The following TRAK1 variants were observed in gnomAD, a reference collection of about 807,000 sequenced individuals.
TRAK1 encodes trafficking kinesin protein 1, also known as trafficking kinesin-binding protein 1.
TRAK1 carries 33 observed loss-of-function variants against 92.1 expected under a neutral mutation model. The ratio of observed to expected loss-of-function variants is 0.36; its 90% confidence interval spans 0.27 to 0.48. The LOEUF is 0.48. Ranked by LOEUF, TRAK1 falls within the 20% of genes least tolerant of loss-of-function variation. The pLI, the probability that TRAK1 is intolerant of heterozygous loss-of-function variation, is 0.99. For missense variants in TRAK1, 1,123 were observed against 1,257.9 expected (o/e 0.89, Z 1.62); for synonymous variants, 521 against 517.3 (o/e 1.01, Z -0.10).
intron 1 of TRAK1, among the ~76,000 whole-genome samples, chr3:42,027,842 A>G (rs938675176): frequency 5.9e-5 from 9 of 152,098 alleles, no homozygotes; most frequent in African/African-American, 1.9e-4. Flanking sequence ...TTTTATCTCA[A>G]TGGCAGACTC....
At chr3:42,077,813 T>C (rs904387401) in intron 1 of TRAK1, among the ~76,000 whole-genome samples, 1 of 152,238 alleles carries the variant, frequency 6.6e-6, no homozygotes, top group African/African-American at 2.4e-5. Flanking sequence ...CCTGAAACTT[T>C]ACTGAGAGTA....
chr3:42,039,242 G>A (rs1702446142), intron 1 of TRAK1, among the ~76,000 whole-genome samples: 1 of 152,184 alleles, frequency 6.6e-6, no homozygotes, highest in African/African-American at 2.4e-5. Flanking sequence ...TGTTGCCCAT[G>A]TTGTAGCATG....
intron 1 of TRAK1, among the ~76,000 whole-genome samples, chr3:42,035,431 C>T (rs947447047): frequency 3.9e-5 from 6 of 152,184 alleles, no homozygotes; most frequent in Admixed American, 2.6e-4. Flanking sequence ...GCACCTCCAT[C>T]GTAGCCTGTA....
chr3:42,191,587 C>T lies in TRAK1; in HGVS notation c.720C>T (p.Thr240=), dbSNP rs775544850. 10 of 1,603,018 alleles carry T rather than the reference C, an allele frequency of 6.2e-6. No individual in the cohort carries two copies. The East Asian group carries it at 1.3e-4, about 22-fold the overall frequency. The change falls in exon 7 of 16, where the codon ACC becomes ACT. Residue 240 remains threonine (T), a synonymous_variant. Coordinates refer to ENST00000327628, the MANE Select transcript of TRAK1 (RefSeq NM_001042646.3). ...GCCAGCTGAAGACAGAGACCATCACCTATGAGGAGAAGGAGCAGCAGCTGG... is the reference window on the plus strand; with the variant it reads ...GCCAGCTGAAGACAGAGACCATCACTTATGAGGAGAAGGAGCAGCAGCTGG... ...EASQLKTETI[T]YEEKEQQLVN... is the part of the protein sequence containing the mutation.
intron 3 of TRAK1, among the ~76,000 whole-genome samples, chr3:42,178,889 C>T (rs1008365739): frequency 3.3e-5 from 5 of 152,052 alleles, no homozygotes; most frequent in African/African-American, 1.2e-4. Flanking sequence ...GTAGGAGGAT[C>T]GCTTGAGCTC....
At chr3:42,204,215 T>C (rs1008573046) in intron 13 of TRAK1, 5 of 985,894 alleles carry the variant, frequency 5.1e-6, no homozygotes, top group Admixed American at 6.1e-5. Context: ...TTCTTTTTTC[T>C]CCTTTGTCAC....
At chr3:42,100,641 G>A (rs929445958) in intron 1 of TRAK1, among the ~76,000 whole-genome samples, 3 of 152,158 alleles carry the variant, frequency 2.0e-5, no homozygotes, top group Admixed American at 6.5e-5. Flanking sequence ...CTTTATTCGA[G>A]CTGTCAGTGA....
At position 42,209,722 on chromosome 3, in the gene TRAK1, T is replaced by C. The variant is rs1438753772; in HGVS notation, c.1745-45T>C. 1.9e-6 allele frequency: 3 copies of C among 1,577,462 alleles called. No homozygotes were observed. The South Asian group carries it at 3.4e-5, about 18-fold the overall frequency. On this transcript the variant is annotated intron_variant, in intron 13 of 15. Transcript: ENST00000327628. ...TTGTCTTGGACTTCCATCCTAACCCTCTCTTCTCCTTGTCCCCCTTCTTCC... is the reference window on the plus strand; with the variant it reads ...TTGTCTTGGACTTCCATCCTAACCCCCTCTTCTCCTTGTCCCCCTTCTTCC...
At position 42,125,544 on chromosome 3, in the gene TRAK1, A is replaced by C. The variant is rs753499892; in HGVS notation, c.216A>C (p.Thr72=). The stretch of plus-strand genomic sequence containing the variant: ...ATGACCACGACGACTGGCTCCATAC[A>C]CCTCTCATTTCTCCAGATGCCAACA... ...YGYDHDDWLH[T]PLISPDANID... The change falls in exon 2 of 16, where the codon ACA becomes ACC. Residue 72 remains threonine (T), a synonymous_variant. Coordinates refer to ENST00000327628, the MANE Select transcript of TRAK1 (RefSeq NM_001042646.3). 10 of 1,614,016 alleles carry C rather than the reference A, an allele frequency of 6.2e-6. No homozygotes were observed. The highest frequency in any genetic ancestry group is 8.5e-6 in the Non-Finnish European group (10 of 1,180,034).
At chr3:42,090,265 A>G (rs1704939067), upstream of TRAK1, among the ~76,000 whole-genome samples, 1 of 152,388 alleles carries the variant, frequency 6.6e-6, no homozygotes, top group South Asian at 2.1e-4. Flanking sequence ...GTCCAAACAC[A>G]TGAATTGATC....
At chr3:42,121,410 C>T (rs2149121477) in intron 1 of TRAK1, among the ~76,000 whole-genome samples, 1 of 152,286 alleles carries the variant, frequency 6.6e-6, no homozygotes, top group Non-Finnish European at 1.5e-5. Flanking sequence ...CAGGCGCCCA[C>T]CACTGCGCCT....
At chr3:42,078,639 G>A (rs1291222715) in intron 1 of TRAK1, among the ~76,000 whole-genome samples, 1 of 151,742 alleles carries the variant, frequency 6.6e-6, no homozygotes, top group Non-Finnish European at 1.5e-5. Flanking sequence ...TGTAGTCCCA[G>A]CTACTCGGGA....
chr3:42,126,540 A>T (rs2149144422), intron 2 of TRAK1, among the ~76,000 whole-genome samples: 1 of 152,350 alleles, frequency 6.6e-6, no homozygotes, highest in African/African-American at 2.4e-5. Flanking sequence ...TGAATACTTT[A>T]TGATTCTGGT....
At chr3:42,022,959 C>T (rs1003461726) in intron 1 of TRAK1, among the ~76,000 whole-genome samples, 5 of 151,750 alleles carry the variant, frequency 3.3e-5, no homozygotes, top group South Asian at 4.2e-4. Flanking sequence ...GAGTTGGAGA[C>T]GATCCTGGCT....
At chr3:42,177,122 T>C (rs1703332516) in intron 3 of TRAK1, among the ~76,000 whole-genome samples, 1 of 152,256 alleles carries the variant, frequency 6.6e-6, no homozygotes, top group Admixed American at 6.5e-5. Context: ...ATGTGGTGTG[T>C]TTAAATACTT....
At chr3:42,059,055 T>C (rs1222722112) in intron 1 of TRAK1, among the ~76,000 whole-genome samples, 1 of 152,156 alleles carries the variant, frequency 6.6e-6, no homozygotes, top group East Asian at 1.9e-4. Flanking sequence ...CACACAAATA[T>C]ACATACGTAT....
intron 10 of TRAK1, 137 bp from the exon 11 acceptor site, chr3:42,199,040 A>C: frequency 1.2e-6 from 1 of 817,862 alleles, no homozygotes; most frequent in East Asian, 2.7e-5. Context: ...AGTGCTGTTA[A>C]GTTTGTGTTG....
chr3:42,042,414 C>T (rs1006517257), intron 1 of TRAK1, among the ~76,000 whole-genome samples: 1 of 151,906 alleles, frequency 6.6e-6, no homozygotes, highest in Admixed American at 6.6e-5. Context: ...CTTTGTTGCC[C>T]AGGCTGGAGT....
intron 1 of TRAK1, among the ~76,000 whole-genome samples, chr3:42,070,189 G>T: frequency 6.6e-6 from 1 of 150,538 alleles, no homozygotes; most frequent in East Asian, 1.9e-4. Flanking sequence ...GTGTGAGTGA[G>T]CTTGTTACCT....
Sources: gnomAD v4.1 joint callset for allele counts (sites outside exome capture counted in the v4.1 genomes callset) on GRCh38, gnomAD v4.1.1 for gene constraint, MANE v1.5 for transcripts, NCBI Gene and HGNC (gene_info 2026-07-23, HGNC 2026-07-21) for gene names.